Variants in ALDH1L2 observed in about 807,000 individuals in gnomAD.
ALDH1L2 encodes the protein mitochondrial 10-formyltetrahydrofolate dehydrogenase.
Under a neutral mutation model 111.0 loss-of-function variants are expected in ALDH1L2, and 91 were observed. The observed-to-expected ratio is 0.82, with a 90% CI of 0.69 to 0.98. The LOEUF is 0.98. Ranked by LOEUF, ALDH1L2 falls within the 50% of genes least tolerant of loss-of-function variation. The probability of loss-of-function intolerance (pLI) is 0.00; values close to 1 mark genes in which losing one functional copy is unlikely to be tolerated. For missense variants in ALDH1L2, 995 were observed against 1,126.8 expected (o/e 0.88, Z 1.67); for synonymous variants, 374 against 392.6 (o/e 0.95, Z 0.56).
intron 2 of ALDH1L2, among the ~76,000 whole-genome samples, chr12:105,071,609 A>T (rs1347588382): frequency 2.2e-5 from 2 of 91,246 alleles, no homozygotes; most frequent in Admixed American, 1.4e-4. Flanking sequence ...TTTTATATAT[A>T]AGTAGTATAT....
Position 105,056,943 on chromosome 12 carries a change from G to A in ALDH1L2, c.1287+1130C>T, listed in dbSNP as rs73393837. Among the ~76,000 whole-genome samples the A allele has an allele frequency of 8.3e-3, 1,261 of 151,322 alleles. 18 individuals carry two copies. The highest frequency in any genetic ancestry group is 0.027 in the Middle Eastern group (8 of 292). On this transcript the variant is annotated intron_variant, in intron 10 of 22. Transcript: ENST00000258494. Reference sequence around the variant, plus strand: ...GACTTCATCAAAATTAAAACCTGTTGTGTGTCAAAGGACACTCAAAGTTTT... The same window carrying A: ...GACTTCATCAAAATTAAAACCTGTTATGTGTCAAAGGACACTCAAAGTTTT...
At position 105,062,986 on chromosome 12, in the gene ALDH1L2, A is replaced by G; in HGVS notation, c.823T>C (p.Ser275Pro). ...TFYGSTLLNS[S>P]VPPGEPLEIK... ...TCCAGTGGTTCTCCAGGAGGCACAG[A>G]GCTATTCAGTAATGTCGAGCCATAG... Residue 275 changes from serine to proline, a missense_variant, in exon 7 of 23, where the codon TCT (serine) becomes CCT (proline). Transcript: ENST00000258494. The G allele has an allele frequency of 6.2e-7, 1 of 1,614,142 alleles. No homozygotes were observed. The highest frequency in any genetic ancestry group is 8.5e-7 in the Non-Finnish European group (1 of 1,180,014).
In ALDH1L2 at chr12:105,052,100, A is replaced by G. The variant is rs148073651; in HGVS notation, c.1525T>C (p.Leu509=). The change falls in exon 12 of 23, where the codon TTG becomes CTG. Residue 509 remains leucine (L), a synonymous_variant. Coordinates refer to ENST00000258494, the MANE Select transcript of ALDH1L2 (RefSeq NM_001034173.4). ...GRMNARERGR[L]MYRLADLLEE... is the part of the protein sequence containing the mutation. Reference sequence around the variant, plus strand: ...AAAAAATAGAAATACCTATACATCAATCTTCCTCTTTCTCTTGCATTCATT... The same window carrying G: ...AAAAAATAGAAATACCTATACATCAGTCTTCCTCTTTCTCTTGCATTCATT... 1.9e-4 allele frequency: 308 copies of G among 1,604,204 alleles called. No individual in the cohort carries two copies. The highest frequency in any genetic ancestry group is 4.6e-4 in the African/African-American group (34 of 74,316).
rs746944059 is a variant in ALDH1L2, at chr12:105,031,750, C to G, written c.2410+19G>C. The G allele has an allele frequency of 6.2e-7, 1 of 1,609,910 alleles. No homozygotes were observed. Among genetic ancestry groups the G allele is most frequent in the Non-Finnish European group, 8.5e-7 (1 of 1,177,898 alleles). On this transcript the variant is annotated intron_variant, in intron 20 of 22. Transcript: ENST00000258494. Reference sequence around the variant, plus strand: ...GAAGAAGGCGGGCACCCGGTAAACCCCCACAGAGGTGATCTTACCTGGCCT... The same window carrying G: ...GAAGAAGGCGGGCACCCGGTAAACCGCCACAGAGGTGATCTTACCTGGCCT...
rs375902021 is a variant in ALDH1L2 at position 105,027,828 on chromosome 12, TTA to T, written c.2517-1086_2517-1085del. Among the ~76,000 whole-genome samples the T allele has an allele frequency of 3.7e-4, 56 of 152,312 alleles. 1 individual carries two copies. In the East Asian group the frequency reaches 9.8e-3, roughly 27 times the overall value. On this transcript the variant is annotated intron_variant, in intron 21 of 22. Coordinates refer to ENST00000258494, the MANE Select transcript of ALDH1L2 (RefSeq NM_001034173.4). Reference sequence around the variant, plus strand: ...AAGTTCCCCGAGGGCAGGGATAACTTTATGTCTCATATACCTCTTTATGCTAT... The same window carrying T: ...AAGTTCCCCGAGGGCAGGGATAACTTTGTCTCATATACCTCTTTATGCTAT...
Position 105,055,408 on chromosome 12 carries a change from A to G in ALDH1L2, c.1288-2477T>C, listed in dbSNP as rs540288471. Among the ~76,000 whole-genome samples, 51 of 152,332 alleles carry G rather than the reference A, an allele frequency of 3.3e-4. 1 individual carries two copies. The South Asian group carries it at 0.01, about 30-fold the overall frequency. On this transcript the variant is annotated intron_variant, in intron 10 of 22. Transcript: ENST00000258494. Reference sequence around the variant, plus strand: ...AAGTCATTGAACAACAACAACAAAAAGCAGCAGCAGCAACAGCAACAAATG... The same window carrying G: ...AAGTCATTGAACAACAACAACAAAAGGCAGCAGCAGCAACAGCAACAAATG...
chr12:105,062,267 GAGGTTCAGTA>G (rs1877044470), intron 7 of ALDH1L2, among the ~76,000 whole-genome samples: 3 of 152,264 alleles, frequency 2.0e-5, no homozygotes, highest in Admixed American at 1.3e-4. Context: ...GAGGCTCAAT[GAGGTTCAGTA>G]ATTTGCTCAG....
At position 105,020,444 on chromosome 12, in the gene ALDH1L2, G is replaced by A. The variant is rs146760740; in HGVS notation, c.*3980C>T. 2 of 152,164 alleles carry A rather than the reference G, an allele frequency of 1.3e-5. No homozygotes were observed. Among genetic ancestry groups the A allele is most frequent in the African/African-American group, 2.4e-5 (1 of 41,426 alleles). 9.4% of individuals were successfully genotyped at this position (152,164 alleles called of 1,614,324 possible). On this transcript the variant is annotated 3_prime_UTR_variant, in exon 23 of 23. Coordinates refer to ENST00000258494, the MANE Select transcript of ALDH1L2 (RefSeq NM_001034173.4). Reference sequence around the variant, plus strand: ...CTGCCACTTAATAGCTGTGTGATTTGAGCAGGTTACTTAACCTCTCCATTT... The same window carrying A: ...CTGCCACTTAATAGCTGTGTGATTTAAGCAGGTTACTTAACCTCTCCATTT...
intron 2 of ALDH1L2, chr12:105,073,635 G>T: frequency 1.9e-6 from 1 of 538,084 alleles, no homozygotes; most frequent in Non-Finnish European, 3.2e-6. Context: ...CTTGCAAATA[G>T]ATTTGGCCTG....
chr12:105,031,748 C>T, intron 20 of ALDH1L2, 21 bp downstream of exon 20: 5 of 1,609,720 alleles, frequency 3.1e-6, no homozygotes, highest in Non-Finnish European at 4.2e-6. Flanking sequence ...ACCCGGTAAA[C>T]CCCCACAGAG....
chr12:105,029,660 A>G (rs1362084409), intron 21 of ALDH1L2, among the ~76,000 whole-genome samples: 3 of 152,238 alleles, frequency 2.0e-5, no homozygotes, highest in Non-Finnish European at 2.9e-5. Flanking sequence ...TACTATATCT[A>G]TTAAAGACCG....
In ALDH1L2 at chr12:105,026,577, C is replaced by T; in HGVS notation, c.2684G>A (p.Gly895Glu). The change falls in exon 22 of 23, where the codon GGA (glycine) becomes GAA (glutamate). Residue 895 changes from glycine to glutamate, a missense_variant. Physicochemically the swap from Gly to Glu is moderately conservative, Grantham distance 98 (BLOSUM62 -2). Coordinates refer to ENST00000258494, the MANE Select transcript of ALDH1L2 (RefSeq NM_001034173.4). ...TTTTCCAAAGCCAGATTGTTTAACT[C>T]CGCCAAATGGGGCCGCCACATCTGT... ...NKTDVAAPFG[G>E]VKQSGFGKDL... The T allele has an allele frequency of 6.2e-7, 1 of 1,614,134 alleles. No homozygotes were observed.
At chr12:105,071,635 TA>T (rs1565972511) in intron 2 of ALDH1L2, among the ~76,000 whole-genome samples, 71 of 16,918 alleles carry the variant, frequency 4.2e-3, no homozygotes, top group African/African-American at 0.012. Flanking sequence ...TATATATATA[TA>T]TATATATTTT....
rs781218584 is a variant in ALDH1L2 at position 105,065,361 on chromosome 12, G to A, written c.697-5C>T. ...GGCAGACTGGTCCCAAGAAATCTAG[G>A]AAGGCACAAAATACAGGCTGAGCCT... On this transcript the variant is annotated splice_polypyrimidine_tract_variant and splice_region_variant and intron_variant, in intron 5 of 22. Coordinates refer to ENST00000258494, the MANE Select transcript of ALDH1L2 (RefSeq NM_001034173.4). The A allele has an allele frequency of 1.2e-6, 2 of 1,610,948 alleles. No individual in the cohort carries two copies. The highest frequency in any genetic ancestry group is 2.2e-5 in the East Asian group (1 of 44,784).
rs758853950 is a variant in ALDH1L2, at chr12:105,035,837, A to ATG, written c.2146-1440_2146-1439insCA. On this transcript the variant is annotated intron_variant, in intron 18 of 22. Coordinates refer to ENST00000258494, the MANE Select transcript of ALDH1L2 (RefSeq NM_001034173.4). ...ATATATAGTGTGTCTATATATATAT[A>ATG]TATGTGTGTGTGTGTGTGTGTGTGT... Among the ~76,000 whole-genome samples the ATG allele has an allele frequency of 7.5e-4, 72 of 95,638 alleles. 10 individuals carry two copies. The highest frequency in any genetic ancestry group is 3.3e-3 in the African/African-American group (43 of 12,900). The allele number at this position is 95,638 out of a possible 152,430, so 62.7% of individuals were successfully genotyped here.
intron 13 of ALDH1L2, chr12:105,047,923 A>G (rs1369323375): frequency 6.6e-6 from 1 of 152,230 alleles, no homozygotes; most frequent in African/African-American, 2.4e-5. Context: ...ACATTTGAAT[A>G]TTCACTCTAA....
chr12:105,034,680 A>C (rs1006597191), intron 18 of ALDH1L2, among the ~76,000 whole-genome samples: 1 of 152,164 alleles, frequency 6.6e-6, no homozygotes, highest in Non-Finnish European at 1.5e-5. Flanking sequence ...ATTAGAAACA[A>C]ATTTTGTGTT....
intron 8 of ALDH1L2, 111 bp from the exon 9 acceptor site, chr12:105,061,183 T>G: frequency 1.1e-6 from 1 of 886,816 alleles, no homozygotes; most frequent in Non-Finnish European, 1.8e-6. Context: ...CACTCAGCTG[T>G]ACATACAGCT....
chr12:105,040,413 CCACT>C (rs1421197690), intron 16 of ALDH1L2, among the ~76,000 whole-genome samples, 190 bp downstream of exon 16: 1 of 152,154 alleles, frequency 6.6e-6, no homozygotes, highest in African/African-American at 2.4e-5. Flanking sequence ...CTCCCCACTG[CCACT>C]CACCCACCAC....
Sources: allele counts gnomAD v4.1 joint callset (sites outside exome capture counted in the v4.1 genomes callset), GRCh38; gene constraint gnomAD v4.1.1; transcripts MANE v1.5; gene names NCBI Gene and HGNC (gene_info 2026-07-23, HGNC 2026-07-21).